The following MALRD1 variants were observed in gnomAD, a reference collection of about 807,000 sequenced individuals.
The protein encoded by MALRD1 is MAM and LDL-receptor class A domain-containing protein 1.
MALRD1 carries 247 observed loss-of-function variants against 242.1 expected under a neutral mutation model. The ratio of observed to expected loss-of-function variants is 1.02; its 90% CI spans 0.92 to 1.13. The LOEUF (loss-of-function observed/expected upper bound fraction) is 1.13. Among genes scored for constraint, MALRD1 ranks in the 50% most tolerant of loss-of-function variants. MALRD1 has a pLI of 0.00. For synonymous variants in MALRD1, 995 were observed against 866.6 expected, an observed-to-expected ratio of 1.15 and a Z score of -2.60; for missense variants, 2,989 against 2,533.1, an observed-to-expected ratio of 1.18 and a Z score of -3.86.
intron 11 of MALRD1, among the ~76,000 whole-genome samples, chr10:19,148,782 AAAAAAAAT>A (rs1413593385): frequency 1.5e-3 from 119 of 80,860 alleles, no homozygotes; most frequent in East Asian, 2.7e-3. Context: ...TTAAAAAAAA[AAAAAAAAT>A]ATATATATAT....
At position 19,674,978 on chromosome 10, in the gene MALRD1, T is replaced by C. The variant is rs910525947; in HGVS notation, c.6138-17304T>C. Among the ~76,000 whole-genome samples the C allele has an allele frequency of 2.8e-5, 4 of 143,796 alleles. No individual in the cohort carries two copies. In the East Asian group the frequency reaches 6.2e-4, roughly 22 times the overall value. 94.3% of individuals were successfully genotyped at this position (143,796 alleles called of 152,430 possible). On this transcript the variant is annotated intron_variant, in intron 36 of 39. Transcript: ENST00000454679. ...TCAGGACATTTTTTTAAAAAAACTT[T>C]TTTTTAGTATCATCTCAGCCATAAC...
intron 33 of MALRD1, among the ~76,000 whole-genome samples, chr10:19,585,870 A>G (rs985432740): frequency 8.5e-5 from 13 of 152,206 alleles, no homozygotes; most frequent in African/African-American, 2.9e-4. Flanking sequence ...CACCAATCAG[A>G]CGTAGATTTG....
At chr10:19,621,351 T>TAAAAAAAAAAAA (rs56041015) in intron 36 of MALRD1, among the ~76,000 whole-genome samples, 14 of 121,796 alleles carry the variant, frequency 1.1e-4, no homozygotes, top group East Asian at 4.8e-4. Context: ...TAAAAATATG[T>TAAAAAAAAAAAA]AAAAAAAAAA....
chr10:19,555,596 A>T (rs1835684564), intron 32 of MALRD1, among the ~76,000 whole-genome samples: 2 of 152,176 alleles, frequency 1.3e-5, no homozygotes, highest in South Asian at 4.1e-4. Flanking sequence ...GGAGGCAAAG[A>T]GTAGTGAGAA....
intron 38 of MALRD1, among the ~76,000 whole-genome samples, chr10:19,725,774 A>G (rs1301423251): frequency 6.6e-6 from 1 of 152,216 alleles, no homozygotes; most frequent in Admixed American, 6.5e-5. Flanking sequence ...TGAATTGAAA[A>G]TTCAAATATA....
At chr10:19,593,575 A>G (rs1837926743) in intron 33 of MALRD1, among the ~76,000 whole-genome samples, 1 of 152,202 alleles carries the variant, frequency 6.6e-6, no homozygotes, top group African/African-American at 2.4e-5. Context: ...CCCTTAATAT[A>G]TTGATGAGTC....
intron 29 of MALRD1, among the ~76,000 whole-genome samples, chr10:19,454,693 G>A (rs537244151): frequency 1.4e-4 from 20 of 143,124 alleles, no homozygotes; most frequent in Non-Finnish European, 2.4e-4. Context: ...GTTGTAAATC[G>A]AGGACTGTCC....
intron 33 of MALRD1, among the ~76,000 whole-genome samples, chr10:19,571,782 T>C (rs1836554582): frequency 6.6e-6 from 1 of 152,210 alleles, no homozygotes; most frequent in Non-Finnish European, 1.5e-5. Context: ...TAGCTTTGTT[T>C]GTCTTTCCTT....
intron 23 of MALRD1, among the ~76,000 whole-genome samples, chr10:19,329,581 T>G (rs78878695): frequency 0.017 from 2,642 of 152,230 alleles, 76 homozygotes; most frequent in African/African-American, 0.06. Flanking sequence ...TATCTCCATA[T>G]TATAAATTAG....
chr10:19,054,286 TATGGGG>T (rs1303337225), intron 1 of MALRD1, among the ~76,000 whole-genome samples: 2 of 152,158 alleles, frequency 1.3e-5, no homozygotes, highest in Non-Finnish European at 2.9e-5. Context: ...TGTATACAAT[TATGGGG>T]TACACAGTCA....
chr10:19,722,513 C>T (rs1302138244), intron 38 of MALRD1: 1 of 141,942 alleles, frequency 7.0e-6, no homozygotes, highest in Admixed American at 7.4e-5. Context: ...TCTCTTGAGC[C>T]CAGGAGTTGG....
At chr10:19,059,919 T>G in intron 1 of MALRD1, among the ~76,000 whole-genome samples, 1 of 152,238 alleles carries the variant, frequency 6.6e-6, no homozygotes, top group East Asian at 1.9e-4. Flanking sequence ...AGATGTTATT[T>G]TTTAATCAGA....
intron 32 of MALRD1, among the ~76,000 whole-genome samples, chr10:19,535,060 A>G (rs1464802549): frequency 1.3e-5 from 2 of 151,912 alleles, no homozygotes; most frequent in African/African-American, 4.8e-5. Flanking sequence ...TAACTTTCGT[A>G]TTTTTAGTAG....
At chr10:19,499,004 T>G (rs1837846956) in intron 31 of MALRD1, among the ~76,000 whole-genome samples, 1 of 152,182 alleles carries the variant, frequency 6.6e-6, no homozygotes, top group Admixed American at 6.5e-5. Flanking sequence ...AAAGTTATCC[T>G]GTTGTGACAA....
chr10:19,117,390 A>G (rs1333180227), intron 5 of MALRD1, among the ~76,000 whole-genome samples: 2 of 151,884 alleles, frequency 1.3e-5, no homozygotes, highest in Non-Finnish European at 2.9e-5. Context: ...CTACGTTTTT[A>G]ATTCCATGCA....
chr10:19,713,465 T>C (rs777846185), intron 38 of MALRD1, among the ~76,000 whole-genome samples: 5 of 152,226 alleles, frequency 3.3e-5, no homozygotes, highest in Non-Finnish European at 7.3e-5. Context: ...CATGGGAAGT[T>C]AATCTTCAAG....
chr10:19,559,200 T>A (rs1455053954), intron 32 of MALRD1, among the ~76,000 whole-genome samples: 2 of 151,636 alleles, frequency 1.3e-5, no homozygotes, highest in Non-Finnish European at 2.9e-5. Context: ...ATAATAATAA[T>A]GATGATAATA....
chr10:19,097,683 G>GT (rs1836093221), intron 4 of MALRD1, among the ~76,000 whole-genome samples: 1 of 152,162 alleles, frequency 6.6e-6, no homozygotes, highest in Non-Finnish European at 1.5e-5. Context: ...AGAAAGCTAG[G>GT]TATTCCTAGC....
At chr10:19,267,381 T>C (rs1577292) in intron 19 of MALRD1, among the ~76,000 whole-genome samples, 52,410 of 151,866 alleles carry the variant, frequency 0.35, 9,352 homozygotes, top group Admixed American at 0.49. Context: ...ATTTTAAGGA[T>C]GCTTAACATA....
Sources: allele counts gnomAD v4.1 joint callset (sites outside exome capture counted in the v4.1 genomes callset), GRCh38; gene constraint gnomAD v4.1.1; transcripts MANE v1.5; gene names NCBI Gene and HGNC (gene_info 2026-07-23, HGNC 2026-07-21).